The following ALPK1 variants were observed in gnomAD, a reference collection of about 807,000 sequenced individuals.
The protein encoded by ALPK1 is alpha kinase 1, also known as alpha-protein kinase 1.
Under a neutral mutation model 120.6 loss-of-function variants are expected in ALPK1, and 110 were observed. The observed-to-expected ratio is 0.91, with a 90% CI of 0.78 to 1.07. The LOEUF (loss-of-function observed/expected upper bound fraction) is 1.07. Among genes scored for constraint, ALPK1 ranks in the 50% least tolerant of loss-of-function variants. The pLI is 0.00. For synonymous variants in ALPK1, 582 were observed against 560.3 expected (o/e 1.04, Z -0.55); for missense variants, 1,498 against 1,483.9 (o/e 1.01, Z -0.16).
chr4:112,300,357 A>G lies in ALPK1; in HGVS notation c.-153+2888A>G, dbSNP rs1210227701. 5.9e-5 allele frequency among the ~76,000 whole-genome samples: 9 copies of G among 152,028 alleles called. No individual in the cohort carries two copies. In the East Asian group the frequency reaches 1.7e-3, roughly 29 times the overall value. ...TTTCTACATAACATGATATTCTTAC[A>G]AAAAATTTTTAAATTATTATATAAT... is the stretch of plus-strand genomic sequence containing the variant. On this transcript the variant is annotated intron_variant, in intron 1 of 15. Coordinates refer to ENST00000650871, the MANE Select transcript of ALPK1 (RefSeq NM_025144.4).
intron 2 of ALPK1, among the ~76,000 whole-genome samples, chr4:112,319,507 T>C (rs1196368435): frequency 6.6e-6 from 1 of 152,242 alleles, no homozygotes; most frequent in Non-Finnish European, 1.5e-5. Flanking sequence ...TTTTGCTTAG[T>C]CTTGCTTTGG....
At chr4:112,390,707 T>C (rs189353237) in intron 4 of ALPK1, among the ~76,000 whole-genome samples, 1 of 152,338 alleles carries the variant, frequency 6.6e-6, no homozygotes, top group East Asian at 1.9e-4. Flanking sequence ...CTGCCCCATG[T>C]GTGGCCCACA....
intron 1 of ALPK1, 108 bp from the exon 2 acceptor site, chr4:112,315,693 T>C (rs1378912135): frequency 6.6e-6 from 1 of 152,220 alleles, no homozygotes; most frequent in Non-Finnish European, 1.5e-5. Context: ...TTATCCGCTG[T>C]TTCGAATAGC....
chr4:112,377,303 A>C (rs1227295619), intron 2 of ALPK1, among the ~76,000 whole-genome samples: 2 of 152,234 alleles, frequency 1.3e-5, no homozygotes, highest in Non-Finnish European at 2.9e-5. Flanking sequence ...TAGAACTGCT[A>C]GCCAGATGCT....
intron 1 of ALPK1, among the ~76,000 whole-genome samples, chr4:112,301,841 G>A (rs746521897): frequency 4.4e-4 from 67 of 152,042 alleles, no homozygotes; most frequent in Non-Finnish European, 8.5e-4. Context: ...CAAGTTCTAC[G>A]TCCTGGGCTA....
chr4:112,343,764 A>T (rs1578482334), intron 2 of ALPK1, among the ~76,000 whole-genome samples: 1 of 17,682 alleles, frequency 5.7e-5, no homozygotes, highest in Non-Finnish European at 1.1e-4. Context: ...TCTCCCCCCT[A>T]CCCCCGTTAA....
rs185666693 is a variant in ALPK1 at position 112,438,376 on chromosome 4, A to G, written c.3189-108A>G. The G allele has an allele frequency of 7.6e-5, 77 of 1,018,092 alleles. No homozygotes were observed. In the East Asian group the frequency reaches 1.8e-3, roughly 23 times the overall value. 63.1% of individuals were successfully genotyped at this position (1,018,092 alleles called of 1,614,324 possible). On this transcript the variant is annotated intron_variant, in intron 12 of 15. Transcript: ENST00000650871. ...TTAATATTCAGTCTAAGGCAGAGAA[A>G]GAGATCTTTCAAGCATTTCTGCATA...
Position 112,431,118 on chromosome 4 carries a change from G to A in ALPK1, c.1571G>A (p.Gly524Asp), listed in dbSNP as rs779114074. 6.2e-7 allele frequency: 1 copy of A among 1,614,182 alleles called. No homozygotes were observed. The highest frequency in any genetic ancestry group is 1.7e-5 in the Admixed American group (1 of 60,028). ...RDTGISSSLM[G>D]KNVQRELRRG... ...ACAGGAATATCTTCCTCCCTAATGG[G>A]TAAGAATGTTCAGAGGGAACTCAGA... Residue 524 changes from glycine to aspartate, a missense_variant, in exon 11 of 16, where the codon GGT (glycine) becomes GAT (aspartate). Coordinates refer to ENST00000650871, the MANE Select transcript of ALPK1 (RefSeq NM_025144.4).
At chr4:112,414,089 G>C (rs1465903495) in intron 5 of ALPK1, among the ~76,000 whole-genome samples, 1 of 152,224 alleles carries the variant, frequency 6.6e-6, no homozygotes, top group Non-Finnish European at 1.5e-5. Flanking sequence ...AGGGGTAACA[G>C]AAGAAGATTT....
intron 4 of ALPK1, among the ~76,000 whole-genome samples, chr4:112,400,983 C>T (rs974206361): frequency 1.3e-5 from 2 of 151,896 alleles, no homozygotes; most frequent in Non-Finnish European, 1.5e-5. Context: ...AGATCAGCCT[C>T]GCTCAGCCAG....
At chr4:112,400,832 G>A (rs1732875017) in intron 4 of ALPK1, among the ~76,000 whole-genome samples, 1 of 152,146 alleles carries the variant, frequency 6.6e-6, no homozygotes, top group Non-Finnish European at 1.5e-5. Context: ...GGCAGAACAG[G>A]CCAGAATGTA....
chr4:112,299,161 T>G lies in ALPK1; in HGVS notation c.-153+1692T>G, dbSNP rs539241311. Among the ~76,000 whole-genome samples, 571 of 152,244 alleles carry G rather than the reference T, an allele frequency of 3.8e-3. 6 individuals are homozygous for G. Among genetic ancestry groups the G allele is most frequent in the African/African-American group, 0.013 (540 of 41,564 alleles). ...TTCTTGTTATTGATGGTGACAACTG[T>G]TTTTGCAGAATGTTGTAATATGCTT... On this transcript the variant is annotated intron_variant, in intron 1 of 15. Transcript: ENST00000650871.
chr4:112,399,673 T>G lies in ALPK1; in HGVS notation c.277-12154T>G, dbSNP rs1732819924. 1.3e-5 allele frequency among the ~76,000 whole-genome samples: 2 copies of G among 152,178 alleles called. 1 individual carries two copies. The highest frequency in any genetic ancestry group is 4.1e-4 in the South Asian group (2 of 4,828). On this transcript the variant is annotated intron_variant, in intron 4 of 15. Coordinates refer to ENST00000650871, the MANE Select transcript of ALPK1 (RefSeq NM_025144.4). ...GTATACATGTGCCATGGTGGTTTGC[T>G]GCACCTATCAACCCGTCATTTAAGT...
intron 2 of ALPK1, chr4:112,359,258 G>C: frequency 1.9e-6 from 1 of 531,708 alleles, no homozygotes; most frequent in South Asian, 1.9e-5. Context: ...AGCAGGGCCA[G>C]CATGCCATGA....
At chr4:112,342,585 GA>G in intron 2 of ALPK1, among the ~76,000 whole-genome samples, 1 of 152,002 alleles carries the variant, frequency 6.6e-6, no homozygotes, top group East Asian at 1.9e-4. Context: ...TGCTTCTTTT[GA>G]AAAATCACTT....
chr4:112,375,249 A>G (rs1169506107), intron 2 of ALPK1, among the ~76,000 whole-genome samples: 1 of 149,158 alleles, frequency 6.7e-6, no homozygotes, highest in African/African-American at 2.5e-5. Flanking sequence ...GTGCAGTCAC[A>G]GCTCACTCCA....
At chr4:112,416,078 G>C (rs1226110163) in intron 5 of ALPK1, among the ~76,000 whole-genome samples, 1 of 152,110 alleles carries the variant, frequency 6.6e-6, no homozygotes, top group African/African-American at 2.4e-5. Flanking sequence ...GACACAAATA[G>C]TAGTGCTCCC....
chr4:112,419,750 T>C (rs1410873120), intron 5 of ALPK1, among the ~76,000 whole-genome samples: 1 of 152,222 alleles, frequency 6.6e-6, no homozygotes, highest in Non-Finnish European at 1.5e-5. Context: ...TAATCTGAGA[T>C]AGTGGTATCT....
chr4:112,415,960 A>G (rs1411134468), intron 5 of ALPK1, among the ~76,000 whole-genome samples: 3 of 152,246 alleles, frequency 2.0e-5, no homozygotes, highest in Non-Finnish European at 4.4e-5. Context: ...ATTTATTATC[A>G]TCAGCTTCAA....
Sources: gnomAD v4.1 joint callset for allele counts (sites outside exome capture counted in the v4.1 genomes callset) on GRCh38, gnomAD v4.1.1 for gene constraint, MANE v1.5 for transcripts, NCBI Gene and HGNC (gene_info 2026-07-23, HGNC 2026-07-21) for gene names.